PSMB2: variants seen among roughly 807,000 people sequenced by gnomAD.
The protein encoded by PSMB2 is proteasome subunit beta type-2.
PSMB2 carries 13 observed loss-of-function variants against 25.7 expected under a neutral mutation model. The observed-to-expected ratio is 0.51, with a 90% CI of 0.33 to 0.80. The LOEUF is 0.80. Among genes scored for constraint, PSMB2 ranks in the 30% least tolerant of loss-of-function variants. PSMB2 has a pLI of 0.02. For synonymous variants in PSMB2, 87 were observed against 96.2 expected, an observed-to-expected ratio of 0.90 and a Z score of 0.56; for missense variants, 202 against 259.0, an observed-to-expected ratio of 0.78 and a Z score of 1.51.
At chr1:35,632,723 G>A (rs994152685) in intron 2 of PSMB2, among the ~76,000 whole-genome samples, 5 of 151,906 alleles carry the variant, frequency 3.3e-5, no homozygotes, top group African/African-American at 7.3e-5. Context: ...ATGAAACCCC[G>A]TCTCTACTAA....
intron 3 of PSMB2, among the ~76,000 whole-genome samples, chr1:35,618,085 G>A (rs550998045): frequency 1.3e-5 from 2 of 152,220 alleles, no homozygotes; most frequent in South Asian, 2.1e-4. Context: ...GAGGAAGGGC[G>A]GATGGTTAGA....
Position 35,601,999 on chromosome 1 carries a change from T to G in PSMB2, c.*1268A>C. 3.3e-5 allele frequency: 27 copies of G among 829,208 alleles called. No individual in the cohort carries two copies. The highest frequency in any genetic ancestry group is 2.2e-4 in the South Asian group (4 of 18,056). The allele number at this position is 829,208 out of a possible 1,614,324, so 51.4% of individuals were successfully genotyped here. A position where few individuals can be genotyped will look rare whatever the true frequency, so the allele number is the denominator to read the frequency against. On this transcript the variant is annotated 3_prime_UTR_variant, in exon 6 of 6. Coordinates refer to ENST00000373237, the MANE Select transcript of PSMB2 (RefSeq NM_002794.5). Reference sequence around the variant, plus strand: ...ATATGTATTGATATAAAACAATCTCTAATATAGTGTTAAGTGAAATAAGCA... The same window carrying G: ...ATATGTATTGATATAAAACAATCTCGAATATAGTGTTAAGTGAAATAAGCA...
In PSMB2 at chr1:35,603,036, A is replaced by G. The variant is rs1017283829; in HGVS notation, c.*231T>C. The G allele has an allele frequency of 1.6e-6, 2 of 1,287,004 alleles. No homozygotes were observed. Among genetic ancestry groups the G allele is most frequent in the Admixed American group, 3.7e-5 (1 of 26,816 alleles). The allele number at this position is 1,287,004 out of a possible 1,614,324, so 79.7% of individuals were successfully genotyped here. A position where few individuals can be genotyped will look rare whatever the true frequency, so the allele number is the denominator to read the frequency against. ...GCTAAAGGGTACTGAGCGTTAATGG[A>G]GGGCGGAGCAGGAAGAAAAGTCAGA... On this transcript the variant is annotated 3_prime_UTR_variant, in exon 6 of 6. Coordinates refer to ENST00000373237, the MANE Select transcript of PSMB2 (RefSeq NM_002794.5).
chr1:35,601,279 C>T lies in PSMB2; in HGVS notation c.*1988G>A. On this transcript the variant is annotated 3_prime_UTR_variant, in exon 6 of 6. Coordinates refer to ENST00000373237, the MANE Select transcript of PSMB2 (RefSeq NM_002794.5). ...AGAGATGGGGTTTCACCATGTTGGC[C>T]AGGCTGGTCTTGAACTCCTGACCTC... The T allele has an allele frequency of 4.0e-6, 3 of 748,750 alleles. No homozygotes were observed. The highest frequency in any genetic ancestry group is 4.9e-6 in the Non-Finnish European group (3 of 614,796). The allele number at this position is 748,750 out of a possible 1,614,324, so 46.4% of individuals were successfully genotyped here. A position where few individuals can be genotyped will look rare whatever the true frequency, so the allele number is the denominator to read the frequency against.
At chr1:35,637,916 G>A (rs1280103654) in intron 1 of PSMB2, among the ~76,000 whole-genome samples, 2 of 152,228 alleles carry the variant, frequency 1.3e-5, no homozygotes, top group African/African-American at 4.8e-5. Flanking sequence ...GTGCTTGCCA[G>A]TGGTAAGAGT....
Position 35,612,290 on chromosome 1 carries a change from GT to G in PSMB2, c.286-2883del, listed in dbSNP as rs79659876. Reference sequence around the variant, plus strand: ...AAACTTAACCCCTATGAGCTTCTGGGTTTTTTTTTTTTTAACATGTAAAACT... The same window carrying G: ...AAACTTAACCCCTATGAGCTTCTGGGTTTTTTTTTTTTAACATGTAAAACT... On this transcript the variant is annotated intron_variant, in intron 3 of 5. Transcript: ENST00000373237. Among the ~76,000 whole-genome samples the G allele has an allele frequency of 6.9e-3, 986 of 143,078 alleles. 3 individuals carry two copies. Among genetic ancestry groups the G allele is most frequent in the African/African-American group, 9.3e-3 (369 of 39,518 alleles). 93.9% of individuals were successfully genotyped at this position (143,078 alleles called of 152,430 possible).
Position 35,605,301 on chromosome 1 carries a change from A to C in PSMB2, c.449-19T>G. 1 of 1,609,386 alleles carries C rather than the reference A, an allele frequency of 6.2e-7. No homozygotes were observed. Among genetic ancestry groups the C allele is most frequent in the Non-Finnish European group, 8.5e-7 (1 of 1,177,222 alleles). On this transcript the variant is annotated intron_variant, in intron 4 of 5. Transcript: ENST00000373237. ...GAGATAGCTGAAAGAGAACACAGAG[A>C]CCAAATACTTCCGGTGCTGTCATTA...
chr1:35,625,901 A>T (rs1650847032), intron 3 of PSMB2, among the ~76,000 whole-genome samples: 1 of 151,804 alleles, frequency 6.6e-6, no homozygotes, highest in African/African-American at 2.4e-5. Context: ...CAGTGGCATG[A>T]TCTCAGCTCA....
intron 3 of PSMB2, among the ~76,000 whole-genome samples, chr1:35,610,296 C>T (rs1650291434): frequency 6.6e-6 from 1 of 151,832 alleles, no homozygotes; most frequent in Non-Finnish European, 1.5e-5. Flanking sequence ...AAAAATTAGC[C>T]GGGCATGATG....
chr1:35,621,778 G>T (rs1180875405), intron 3 of PSMB2, among the ~76,000 whole-genome samples: 3 of 152,136 alleles, frequency 2.0e-5, no homozygotes, highest in African/African-American at 7.2e-5. Context: ...GGAGGCCAAG[G>T]CAGATGCATC....
chr1:35,632,732 A>G (rs760401371), intron 2 of PSMB2, among the ~76,000 whole-genome samples: 4 of 151,984 alleles, frequency 2.6e-5, no homozygotes, highest in African/African-American at 7.3e-5. Context: ...CGTCTCTACT[A>G]AAAATATAAA....
rs192711348 is a variant in PSMB2 at position 35,622,083 on chromosome 1, A to G, written c.285+9191T>C. Among the ~76,000 whole-genome samples, 490 of 152,300 alleles carry G rather than the reference A, an allele frequency of 3.2e-3. 1 individual carries two copies. Among genetic ancestry groups the G allele is most frequent in the African/African-American group, 0.011 (440 of 41,560 alleles). On this transcript the variant is annotated intron_variant, in intron 3 of 5. Coordinates refer to ENST00000373237, the MANE Select transcript of PSMB2 (RefSeq NM_002794.5). ...CACGTAACAACCTCTCAGGTCAAGAAATAGAAAAATCCACCTTTCCCCTTG... is the reference window on the plus strand; with the variant it reads ...CACGTAACAACCTCTCAGGTCAAGAGATAGAAAAATCCACCTTTCCCCTTG...
At chr1:35,614,173 A>T (rs1020498820) in intron 3 of PSMB2, among the ~76,000 whole-genome samples, 2 of 152,182 alleles carry the variant, frequency 1.3e-5, no homozygotes, top group African/African-American at 4.8e-5. Flanking sequence ...CACGTAGAGC[A>T]TATCTACTTC....
At chr1:35,628,612 T>C (rs1182060546) in intron 3 of PSMB2, among the ~76,000 whole-genome samples, 1 of 46,042 alleles carries the variant, frequency 2.2e-5, no homozygotes. Flanking sequence ...TATATATATA[T>C]ATATATATAT....
At chr1:35,634,945 A>G (rs978460258) in intron 2 of PSMB2, among the ~76,000 whole-genome samples, 1 of 151,918 alleles carries the variant, frequency 6.6e-6, no homozygotes, top group African/African-American at 2.4e-5. Flanking sequence ...ATGCCACCAC[A>G]CTCAGCTAAT....
At chr1:35,626,118 A>G (rs1650852687) in intron 3 of PSMB2, among the ~76,000 whole-genome samples, 2 of 152,166 alleles carry the variant, frequency 1.3e-5, no homozygotes, top group African/African-American at 4.8e-5. Flanking sequence ...GATTACCGGC[A>G]TGAGCCACTG....
At chr1:35,613,935 A>G (rs959438082) in intron 3 of PSMB2, among the ~76,000 whole-genome samples, 4 of 152,230 alleles carry the variant, frequency 2.6e-5, no homozygotes, top group Non-Finnish European at 5.9e-5. Flanking sequence ...AAGACTCTAT[A>G]AACAATGCAA....
chr1:35,601,723 T>C lies in PSMB2; in HGVS notation c.*1544A>G, dbSNP rs1271152459. ...ACAGAATTGGATAAAGTAGGGTTTA[T>C]CTTAGTCGGAGACCAAATGGTTTTG... On this transcript the variant is annotated 3_prime_UTR_variant, in exon 6 of 6. Transcript: ENST00000373237. 2 of 985,360 alleles carry C rather than the reference T, an allele frequency of 2.0e-6. No individual in the cohort carries two copies. Among genetic ancestry groups the C allele is most frequent in the African/African-American group, 1.7e-5 (1 of 57,246 alleles). The allele number at this position is 985,360 out of a possible 1,614,324, so 61.0% of individuals were successfully genotyped here. A position where few individuals can be genotyped will look rare whatever the true frequency, so the allele number is the denominator to read the frequency against.
intron 1 of PSMB2, 32 bp from the exon 2 acceptor site, chr1:35,636,464 G>A (rs1651247027): frequency 1.9e-6 from 3 of 1,601,488 alleles, no homozygotes; most frequent in African/African-American, 2.7e-5. Context: ...GTTAGAAACT[G>A]CCTTAACAGA....
Sources: allele counts gnomAD v4.1 joint callset (sites outside exome capture counted in the v4.1 genomes callset), GRCh38; gene constraint gnomAD v4.1.1; transcripts MANE v1.5; gene names NCBI Gene and HGNC (gene_info 2026-07-23, HGNC 2026-07-21).